The following SLCO6A1 variants were observed in gnomAD, a reference collection of about 807,000 sequenced individuals.
SLCO6A1 encodes the protein cancer/testis antigen 48.
In SLCO6A1, 65 loss-of-function variants were observed where a neutral mutation model predicts 72.7. The observed-to-expected ratio is 0.89, with a 90% CI of 0.73 to 1.10. The LOEUF (loss-of-function observed/expected upper bound fraction) is 1.10, where lower values mean the gene tolerates loss of function less well. SLCO6A1 is among the 50% of genes least tolerant of loss of function. The probability of loss-of-function intolerance (pLI) is 0.00; values close to 1 mark genes in which losing one functional copy is unlikely to be tolerated. For missense variants in SLCO6A1, 874 were observed against 872.6 expected (o/e 1.00, Z -0.02); for synonymous variants, 314 against 298.2 (o/e 1.05, Z -0.55).
chr5:102,386,900 G>C (rs1207125219), intron 12 of SLCO6A1, among the ~76,000 whole-genome samples: 4 of 152,134 alleles, frequency 2.6e-5, no homozygotes, highest in African/African-American at 9.7e-5. Context: ...TCACATGGAG[G>C]GTATCTCTCT....
At chr5:102,492,603 G>A (rs1752732012) in intron 1 of SLCO6A1, among the ~76,000 whole-genome samples, 1 of 152,140 alleles carries the variant, frequency 6.6e-6, no homozygotes, top group Non-Finnish European at 1.5e-5. Flanking sequence ...CCTCACCTGG[G>A]AAGTGCAAGG....
intron 6 of SLCO6A1, among the ~76,000 whole-genome samples, chr5:102,454,378 C>T (rs1201525703): frequency 1.3e-5 from 2 of 152,178 alleles, no homozygotes; most frequent in South Asian, 2.1e-4. Context: ...TTATTGTATG[C>T]CTTTGCTTAA....
chr5:102,388,090 T>G (rs1185457688), intron 12 of SLCO6A1, among the ~76,000 whole-genome samples: 1 of 152,158 alleles, frequency 6.6e-6, no homozygotes, highest in Non-Finnish European at 1.5e-5. Flanking sequence ...CTTGATGTTC[T>G]CTAATGGTGC....
chr5:102,457,188 A>G (rs1312458674), intron 6 of SLCO6A1, among the ~76,000 whole-genome samples: 1 of 152,244 alleles, frequency 6.6e-6, no homozygotes, highest in African/African-American at 2.4e-5. Flanking sequence ...GAACATAGGC[A>G]TGGGCAAGGA....
intron 1 of SLCO6A1, among the ~76,000 whole-genome samples, chr5:102,481,231 A>AT (rs66694222): frequency 0.072 from 10,864 of 151,474 alleles, 447 homozygotes; most frequent in African/African-American, 0.1. Context: ...CAATCACTAC[A>AT]TTTTTTTTTT....
chr5:102,487,558 G>A, intron 1 of SLCO6A1, among the ~76,000 whole-genome samples: 1 of 152,102 alleles, frequency 6.6e-6, no homozygotes, highest in East Asian at 1.9e-4. Context: ...AATCTATTAT[G>A]TCTAATGCTT....
chr5:102,390,816 G>C (rs1746713126), intron 11 of SLCO6A1, among the ~76,000 whole-genome samples, 165 bp downstream of exon 11: 1 of 152,012 alleles, frequency 6.6e-6, no homozygotes, highest in African/African-American at 2.4e-5. Flanking sequence ...CTTTGCATTA[G>C]GTATTCCCTC....
At position 102,476,056 on chromosome 5, in the gene SLCO6A1, G is replaced by T. The variant is rs533149382; in HGVS notation, c.803-263C>A. On this transcript the variant is annotated intron_variant, in intron 3 of 13. Coordinates refer to ENST00000506729, the MANE Select transcript of SLCO6A1 (RefSeq NM_173488.5). ...TATAATGGACTTTGGGGACCAGGGG[G>T]TAATGGTGAGAGGTGGGTGAGGGAT... 7.2e-5 allele frequency among the ~76,000 whole-genome samples: 11 copies of T among 152,186 alleles called. No homozygotes were observed. In the East Asian group the frequency reaches 2.1e-3, roughly 29 times the overall value.
intron 10 of SLCO6A1, among the ~76,000 whole-genome samples, chr5:102,397,873 CTGTG>C (rs902247406): frequency 6.6e-6 from 1 of 151,956 alleles, no homozygotes; most frequent in Non-Finnish European, 1.5e-5. Context: ...TAGTGTGTGT[CTGTG>C]TGTGTGTTTT....
chr5:102,456,643 G>C (rs977099334), intron 6 of SLCO6A1, among the ~76,000 whole-genome samples: 1 of 152,126 alleles, frequency 6.6e-6, no homozygotes, highest in East Asian at 1.9e-4. Context: ...CTCATGGGTA[G>C]GAAGAATCAA....
chr5:102,450,554 C>T (rs1340670887), intron 6 of SLCO6A1, among the ~76,000 whole-genome samples: 4 of 152,206 alleles, frequency 2.6e-5, no homozygotes, highest in Non-Finnish European at 4.4e-5. Flanking sequence ...GGGCTCCTTT[C>T]CCACTAGCAC....
At chr5:102,454,849 A>G (rs1750616334) in intron 6 of SLCO6A1, among the ~76,000 whole-genome samples, 1 of 151,510 alleles carries the variant, frequency 6.6e-6, no homozygotes, top group Non-Finnish European at 1.5e-5. Context: ...AAAAATTAAA[A>G]CTAAATACAA....
At chr5:102,398,254 ATTGCAGCCTCCG>A (rs1747208034) in intron 10 of SLCO6A1, among the ~76,000 whole-genome samples, 2 of 151,918 alleles carry the variant, frequency 1.3e-5, no homozygotes, top group Non-Finnish European at 2.9e-5. Flanking sequence ...ATCTTGGCTC[ATTGCAGCCTCCG>A]CCCCGAGTTC....
intron 5 of SLCO6A1, among the ~76,000 whole-genome samples, chr5:102,459,202 G>A (rs1015947494): frequency 3.9e-5 from 6 of 152,056 alleles, no homozygotes; most frequent in Admixed American, 6.6e-5. Context: ...TTGAGGCCAG[G>A]AGTTTAAGAC....
intron 1 of SLCO6A1, among the ~76,000 whole-genome samples, chr5:102,481,385 A>G (rs144499889): frequency 6.6e-6 from 1 of 152,318 alleles, no homozygotes; most frequent in Non-Finnish European, 1.5e-5. Flanking sequence ...GGAGGCTTTA[A>G]TCACCCAGCA....
chr5:102,495,877 T>C (rs928823837), intron 1 of SLCO6A1, among the ~76,000 whole-genome samples: 15 of 152,054 alleles, frequency 9.9e-5, no homozygotes, highest in African/African-American at 3.6e-4. Context: ...AAAACCATAC[T>C]CTGTAAGACT....
At chr5:102,454,888 G>A (rs1750618470) in intron 6 of SLCO6A1, among the ~76,000 whole-genome samples, 1 of 150,114 alleles carries the variant, frequency 6.7e-6, no homozygotes. Context: ...CAATTAGGAG[G>A]GATGGTTTAT....
intron 12 of SLCO6A1, among the ~76,000 whole-genome samples, chr5:102,377,849 T>A (rs184765706): frequency 3.3e-4 from 49 of 150,538 alleles, no homozygotes; most frequent in African/African-American, 1.2e-3. Flanking sequence ...TTTTTGCATA[T>A]TTTTTGTACA....
At chr5:102,493,404 A>G (rs1192366921) in intron 1 of SLCO6A1, among the ~76,000 whole-genome samples, 3 of 152,196 alleles carry the variant, frequency 2.0e-5, no homozygotes, top group South Asian at 2.1e-4. Context: ...CCTTATGAAC[A>G]TCTCAATAGA....
Sources: allele counts gnomAD v4.1 joint callset (sites outside exome capture counted in the v4.1 genomes callset), GRCh38; gene constraint gnomAD v4.1.1; transcripts MANE v1.5; gene names NCBI Gene and HGNC (gene_info 2026-07-23, HGNC 2026-07-21).